MAGI1: variants seen among roughly 807,000 people sequenced by gnomAD.
The protein encoded by MAGI1 is membrane-associated guanylate kinase, WW and PDZ domain-containing protein 1.
A neutral mutation model predicts 139.9 loss-of-function variants in MAGI1; 58 were observed. That is an observed-to-expected ratio of 0.41 (90% CI 0.34 to 0.52). MAGI1 has a LOEUF of 0.52. MAGI1 is among the 20% of genes least tolerant of loss of function. The pLI is 0.12. For missense variants in MAGI1, 1,874 were observed against 1,901.6 expected, an observed-to-expected ratio of 0.99 and a Z score of 0.27; for synonymous variants, 812 against 737.9, an observed-to-expected ratio of 1.10 and a Z score of -1.63.
intron 2 of MAGI1, among the ~76,000 whole-genome samples, chr3:65,537,399 T>C (rs2079008247): frequency 6.6e-6 from 1 of 152,192 alleles, no homozygotes; most frequent in South Asian, 2.1e-4. Flanking sequence ...CCCTTTTGCA[T>C]TTTCCCCATA....
At chr3:65,993,766 C>T (rs574473462) in intron 1 of MAGI1, among the ~76,000 whole-genome samples, 1 of 152,284 alleles carries the variant, frequency 6.6e-6, no homozygotes, top group South Asian at 2.1e-4. Flanking sequence ...CTCACACACA[C>T]ACATAGCTTG....
rs145942481 is a variant in MAGI1, at chr3:65,841,514, G to A, written c.313+196482C>T. Among the ~76,000 whole-genome samples the A allele has an allele frequency of 6.7e-3, 1,010 of 151,092 alleles. 27 individuals are homozygous for A. In the East Asian group the frequency reaches 0.082, roughly 12 times the overall value. On this transcript the variant is annotated intron_variant, in intron 1 of 22. Coordinates refer to ENST00000402939, the MANE Select transcript of MAGI1 (RefSeq NM_001033057.2). Reference sequence around the variant, plus strand: ...GCGATCTTAGCTCACCACAACCTCCGCCTCCCGGGTTCAAGCCATTCTCCT... The same window carrying A: ...GCGATCTTAGCTCACCACAACCTCCACCTCCCGGGTTCAAGCCATTCTCCT...
intron 2 of MAGI1, among the ~76,000 whole-genome samples, chr3:65,498,386 C>A (rs1295213946): frequency 6.6e-6 from 1 of 151,690 alleles, no homozygotes; most frequent in Non-Finnish European, 1.5e-5. Flanking sequence ...CGATATCTTG[C>A]AGTTATTAGC....
chr3:65,400,305 T>C (rs1448136233), intron 13 of MAGI1, among the ~76,000 whole-genome samples: 1 of 152,188 alleles, frequency 6.6e-6, no homozygotes, highest in Non-Finnish European at 1.5e-5. Flanking sequence ...GTTTTTCTCT[T>C]TGGAGAACTT....
chr3:65,603,122 C>A (rs1211961511), intron 2 of MAGI1, among the ~76,000 whole-genome samples: 1 of 151,958 alleles, frequency 6.6e-6, no homozygotes, highest in East Asian at 1.9e-4. Flanking sequence ...TTCCTAGCTA[C>A]TGCAAAGAAA....
At chr3:65,621,883 C>A in intron 2 of MAGI1, 89 bp downstream of exon 2, 1 of 885,684 alleles carries the variant, frequency 1.1e-6, no homozygotes, top group South Asian at 1.6e-5. Context: ...GTTCCAGAAC[C>A]AGTTGTTGAG....
chr3:65,357,938 GGT>G (rs1559878774), intron 22 of MAGI1, among the ~76,000 whole-genome samples: 1 of 152,090 alleles, frequency 6.6e-6, no homozygotes, highest in East Asian at 1.9e-4. Context: ...GTTTTTAAAA[GGT>G]GTTTTCTGAT....
chr3:65,463,498 G>A (rs887098193), intron 5 of MAGI1, among the ~76,000 whole-genome samples: 1 of 151,744 alleles, frequency 6.6e-6, no homozygotes. Context: ...GCTGGATTCG[G>A]TTTGCCAGTA....
chr3:65,482,997 C>G (rs1951383544), intron 3 of MAGI1, among the ~76,000 whole-genome samples: 1 of 152,242 alleles, frequency 6.6e-6, no homozygotes, highest in Non-Finnish European at 1.5e-5. Context: ...AGACAAAGAT[C>G]TTGGACCCCA....
intron 2 of MAGI1, among the ~76,000 whole-genome samples, chr3:65,518,877 C>T (rs536456228): frequency 1.3e-5 from 2 of 151,924 alleles, no homozygotes; most frequent in East Asian, 3.9e-4. Context: ...TGTCACTTAA[C>T]GTGAGGGAGA....
At chr3:65,918,566 C>T (rs537806492) in intron 1 of MAGI1, among the ~76,000 whole-genome samples, 189 of 151,688 alleles carry the variant, frequency 1.2e-3, no homozygotes, top group African/African-American at 4.1e-3. Flanking sequence ...TTTTTAGTAG[C>T]GATGGGGTTT....
At position 65,856,048 on chromosome 3, in the gene MAGI1, T is replaced by C. The variant is rs145625275; in HGVS notation, c.313+181948A>G. ...TATTTTAGATCTGCTTTGCCCTATA[T>C]GATTGCTACATGTGTCTACTGAGCA... On this transcript the variant is annotated intron_variant, in intron 1 of 22. Transcript: ENST00000402939. Among the ~76,000 whole-genome samples the C allele has an allele frequency of 8.5e-5, 13 of 152,272 alleles. No individual in the cohort carries two copies. In the East Asian group the frequency reaches 2.5e-3, roughly 29 times the overall value.
intron 2 of MAGI1, among the ~76,000 whole-genome samples, chr3:65,596,603 A>G (rs143563990): frequency 3.3e-5 from 5 of 152,312 alleles, no homozygotes; most frequent in African/African-American, 9.6e-5. Flanking sequence ...GACAAAGTCT[A>G]TATACCAACA....
intron 12 of MAGI1, among the ~76,000 whole-genome samples, chr3:65,402,611 C>T (rs955614980): frequency 6.6e-6 from 1 of 152,128 alleles, no homozygotes; most frequent in Non-Finnish European, 1.5e-5. Context: ...AGATTTCAAC[C>T]TGTTTTTCAA....
At chr3:65,992,816 C>T (rs959714749) in intron 1 of MAGI1, among the ~76,000 whole-genome samples, 8 of 151,988 alleles carry the variant, frequency 5.3e-5, no homozygotes, top group South Asian at 2.1e-4. Flanking sequence ...GGCATCATTT[C>T]GGCTTTATTT....
At chr3:65,675,471 C>A (rs764521488) in intron 1 of MAGI1, among the ~76,000 whole-genome samples, 1 of 151,990 alleles carries the variant, frequency 6.6e-6, no homozygotes, top group Non-Finnish European at 1.5e-5. Flanking sequence ...CATTACAGAA[C>A]ACAGAAAAAA....
chr3:65,499,122 T>A (rs1290326466), intron 2 of MAGI1: 1 of 785,412 alleles, frequency 1.3e-6, no homozygotes, highest in East Asian at 1.3e-4. Context: ...ACTCCACGAT[T>A]TGTTTTAAAA....
chr3:65,382,089 T>C lies in MAGI1; in HGVS notation c.2509-20A>G. ...ATAAATCTGTTGAGTAATTGAACGA[T>C]GGATGAAACATTGCTCTCCTATGTT... On this transcript the variant is annotated intron_variant, in intron 15 of 22. Coordinates refer to ENST00000402939, the MANE Select transcript of MAGI1 (RefSeq NM_001033057.2). The C allele has an allele frequency of 6.4e-7, 1 of 1,573,292 alleles. No homozygotes were observed. Among genetic ancestry groups the C allele is most frequent in the Non-Finnish European group, 8.7e-7 (1 of 1,151,864 alleles).
At chr3:65,893,140 A>G (rs1225314756) in intron 1 of MAGI1, among the ~76,000 whole-genome samples, 1 of 152,190 alleles carries the variant, frequency 6.6e-6, no homozygotes, top group Admixed American at 6.5e-5. Flanking sequence ...TTTCTGGCAC[A>G]TAAGTTACTG....
Sources: allele counts gnomAD v4.1 joint callset (sites outside exome capture counted in the v4.1 genomes callset), GRCh38; gene constraint gnomAD v4.1.1; transcripts MANE v1.5; gene names NCBI Gene and HGNC (gene_info 2026-07-23, HGNC 2026-07-21).